The following AKT3 variants were observed in gnomAD, a reference collection of about 807,000 sequenced individuals.
The protein encoded by AKT3 is RAC-gamma serine/threonine-protein kinase.
A neutral mutation model predicts 65.3 loss-of-function variants in AKT3; 15 were observed. That is an observed-to-expected ratio of 0.23 (90% confidence interval 0.15 to 0.35). AKT3 has a LOEUF of 0.35. Ranked by LOEUF, AKT3 falls within the 10% of genes least tolerant of loss-of-function variation. AKT3 has a pLI of 1.00. For missense variants in AKT3, 243 were observed against 576.5 expected (o/e 0.42, Z 5.92); for synonymous variants, 206 against 183.8 (o/e 1.12, Z -0.98).
At chr1:243,496,742 G>C (rs1401854410), downstream of AKT3, among the ~76,000 whole-genome samples, 1 of 152,254 alleles carries the variant, frequency 6.6e-6, no homozygotes, top group East Asian at 1.9e-4. Flanking sequence ...GTTGCCTGGG[G>C]AACAGTTCAG....
chr1:243,815,324 C>T (rs567768182), intron 2 of AKT3, among the ~76,000 whole-genome samples: 27 of 152,118 alleles, frequency 1.8e-4, no homozygotes, highest in African/African-American at 6.0e-4. Context: ...TTCTATTTTC[C>T]ATCTTATTGC....
intron 8 of AKT3, among the ~76,000 whole-genome samples, chr1:243,599,996 T>G (rs1676898685): frequency 6.6e-6 from 1 of 152,136 alleles, no homozygotes; most frequent in Non-Finnish European, 1.5e-5. Context: ...TGTATGTCTA[T>G]ATATTAGCAA....
chr1:243,752,083 C>A (rs1310442354), intron 2 of AKT3, among the ~76,000 whole-genome samples: 1 of 152,046 alleles, frequency 6.6e-6, no homozygotes, highest in African/African-American at 2.4e-5. Flanking sequence ...GCAGGTTGGG[C>A]GACCTCTGTT....
chr1:243,648,524 G>A (rs1681024826), intron 4 of AKT3, among the ~76,000 whole-genome samples: 1 of 152,058 alleles, frequency 6.6e-6, no homozygotes, highest in Non-Finnish European at 1.5e-5. Context: ...AGTGTATTGG[G>A]CTATAGTTGT....
intron 2 of AKT3, among the ~76,000 whole-genome samples, chr1:243,746,262 G>A (rs1688467519): frequency 6.6e-6 from 1 of 151,778 alleles, no homozygotes; most frequent in Admixed American, 6.6e-5. Context: ...GGTCTTTTTA[G>A]ATCTTTCTCA....
At chr1:243,648,342 TTTTAAC>T (rs1273133815) in intron 4 of AKT3, among the ~76,000 whole-genome samples, 1 of 152,154 alleles carries the variant, frequency 6.6e-6, no homozygotes. Flanking sequence ...TCACACAGAT[TTTTAAC>T]TTTATCATAT....
chr1:243,686,649 ATATTTTTTTTTTTTTTTTTT>A (rs947522944), intron 3 of AKT3, among the ~76,000 whole-genome samples: 3 of 22,500 alleles, frequency 1.3e-4, no homozygotes, highest in African/African-American at 4.1e-4. Context: ...ATATATATAT[ATATTTTTTTTTTTTTTTTTT>A]TTTTTTTTTT....
chr1:243,680,632 C>T (rs1450686844), intron 3 of AKT3, among the ~76,000 whole-genome samples: 1 of 151,944 alleles, frequency 6.6e-6, no homozygotes, highest in Non-Finnish European at 1.5e-5. Context: ...AATCAGAAAG[C>T]CAATAATTTA....
intron 2 of AKT3, among the ~76,000 whole-genome samples, chr1:243,715,924 C>G (rs1686486445): frequency 6.6e-6 from 1 of 151,994 alleles, no homozygotes; most frequent in Admixed American, 6.6e-5. Flanking sequence ...GAAAATTTAA[C>G]AGAATAATGA....
chr1:243,770,313 T>C (rs1213877872), intron 2 of AKT3, among the ~76,000 whole-genome samples: 3 of 152,116 alleles, frequency 2.0e-5, no homozygotes, highest in African/African-American at 7.2e-5. Context: ...GAGGGCATTA[T>C]CCTATCCCAT....
intron 2 of AKT3, among the ~76,000 whole-genome samples, chr1:243,736,285 G>A (rs1313628758): frequency 6.6e-6 from 1 of 152,144 alleles, no homozygotes; most frequent in Non-Finnish European, 1.5e-5. Flanking sequence ...AATTAGCATA[G>A]TGCCTGGCAC....
intron 2 of AKT3, chr1:243,740,596 C>G (rs1688093073): frequency 6.6e-6 from 1 of 152,196 alleles, no homozygotes; most frequent in Non-Finnish European, 1.5e-5. Flanking sequence ...TATTGGAACA[C>G]TCATTAGCTT....
At chr1:243,766,342 G>T in intron 2 of AKT3, among the ~76,000 whole-genome samples, 1 of 152,030 alleles carries the variant, frequency 6.6e-6, no homozygotes, top group East Asian at 1.9e-4. Context: ...AAATAAAAAA[G>T]AAAATTAATA....
intron 4 of AKT3, among the ~76,000 whole-genome samples, chr1:243,660,405 T>C (rs112799788): frequency 2.0e-5 from 3 of 152,034 alleles, no homozygotes; most frequent in Non-Finnish European, 4.4e-5. Flanking sequence ...GCTGGTTCAA[T>C]ATACGCAAAT....
At chr1:243,820,366 T>C (rs777968386) in intron 2 of AKT3, among the ~76,000 whole-genome samples, 14 of 152,078 alleles carry the variant, frequency 9.2e-5, no homozygotes, top group East Asian at 1.9e-4. Flanking sequence ...GAAAAAAACA[T>C]TGAGAACCCC....
At chr1:243,825,789 AC>A (rs755238493) in intron 2 of AKT3, among the ~76,000 whole-genome samples, 1 of 152,180 alleles carries the variant, frequency 6.6e-6, no homozygotes, top group Non-Finnish European at 1.5e-5. Context: ...TACCAAACGT[AC>A]CCCATAATTC....
intron 13 of AKT3, among the ~76,000 whole-genome samples, chr1:243,494,216 TG>T (rs1431351264): frequency 6.6e-6 from 1 of 152,202 alleles, no homozygotes; most frequent in Non-Finnish European, 1.5e-5. Context: ...TCAACCAAAT[TG>T]TTGTTTTTTT....
At position 243,573,099 on chromosome 1, in the gene AKT3, G is replaced by C. The variant is rs776647218; in HGVS notation, c.697-51C>G. The C allele has an allele frequency of 3.1e-6, 5 of 1,593,466 alleles. No homozygotes were observed. In the African/African-American group the frequency reaches 5.4e-5, roughly 17 times the overall value. Reference sequence around the variant, plus strand: ...ATTGTAATAATTACTGATTTAGTGGGGGAAATTAACACAAACATAAAACAC... The same window carrying C: ...ATTGTAATAATTACTGATTTAGTGGCGGAAATTAACACAAACATAAAACAC... On this transcript the variant is annotated intron_variant, in intron 8 of 13. Transcript: ENST00000673466.
At chr1:243,722,129 C>T (rs1227090575) in intron 2 of AKT3, among the ~76,000 whole-genome samples, 1 of 152,082 alleles carries the variant, frequency 6.6e-6, no homozygotes, top group Non-Finnish European at 1.5e-5. Context: ...GCAGGTGTTA[C>T]GTTATTCTCA....
Sources: allele counts gnomAD v4.1 joint callset (sites outside exome capture counted in the v4.1 genomes callset), GRCh38; gene constraint gnomAD v4.1.1; transcripts MANE v1.5; gene names NCBI Gene and HGNC (gene_info 2026-07-23, HGNC 2026-07-21).